The following MAST2 variants were observed in gnomAD, a reference collection of about 807,000 sequenced individuals.
MAST2 encodes the protein microtubule-associated serine/threonine-protein kinase 2.
MAST2 carries 70 observed loss-of-function variants against 147.4 expected under a neutral mutation model. The observed-to-expected ratio is 0.47, with a 90% CI of 0.39 to 0.58. The LOEUF is 0.58. MAST2 is among the 20% of genes least tolerant of loss of function. The probability of loss-of-function intolerance (pLI) is 0.00; values close to 1 mark genes in which losing one functional copy is unlikely to be tolerated. For missense variants in MAST2, 2,080 were observed against 2,302.3 expected (o/e 0.90, Z 1.98); for synonymous variants, 869 against 896.8 (o/e 0.97, Z 0.55).
chr1:46,009,935 C>T (rs954419756), intron 9 of MAST2, among the ~76,000 whole-genome samples: 2 of 152,200 alleles, frequency 1.3e-5, no homozygotes, highest in Non-Finnish European at 2.9e-5. Context: ...AGAACTCGTT[C>T]ACAGATGTGT....
chr1:46,016,196 A>G (rs1352371275), intron 10 of MAST2, among the ~76,000 whole-genome samples: 3 of 111,012 alleles, frequency 2.7e-5, no homozygotes, highest in African/African-American at 9.2e-5. Context: ...AGAGCTATCT[A>G]TGACAAACCC....
chr1:46,022,772 A>G lies in MAST2; in HGVS notation c.1424-138A>G, dbSNP rs1199122799. The G allele has an allele frequency of 5.7e-6, 4 of 696,540 alleles. No individual in the cohort carries two copies. In the African/African-American group the frequency reaches 7.0e-5, roughly 12 times the overall value. 43.1% of individuals were successfully genotyped at this position (696,540 alleles called of 1,614,324 possible). On this transcript the variant is annotated intron_variant, in intron 12 of 28. Transcript: ENST00000361297. ...CTGGGACTACATTGGGTATAGTGCCATGGGACTGAATTCACATCCTAGGCT... is the reference window on the plus strand; with the variant it reads ...CTGGGACTACATTGGGTATAGTGCCGTGGGACTGAATTCACATCCTAGGCT...
chr1:45,908,517 C>T (rs1249512660), intron 4 of MAST2, among the ~76,000 whole-genome samples: 1 of 152,038 alleles, frequency 6.6e-6, no homozygotes, highest in South Asian at 2.1e-4. Flanking sequence ...TTCTAATTTT[C>T]TTTGTCATTT....
In MAST2 at chr1:45,909,241, G is replaced by A. The variant is rs139759315; in HGVS notation, c.500+26846G>A. Among the ~76,000 whole-genome samples, 739 of 152,088 alleles carry A rather than the reference G, an allele frequency of 4.9e-3. 3 individuals are homozygous for A. The highest frequency in any genetic ancestry group is 0.024 in the Middle Eastern group (7 of 294). On this transcript the variant is annotated intron_variant, in intron 4 of 28. Coordinates refer to ENST00000361297, the MANE Select transcript of MAST2 (RefSeq NM_015112.3). ...AACTGAATAATATTTACTTAAAAAA[G>A]TTAGGTATCTTTTTCTCACTTTATT... is the stretch of plus-strand genomic sequence containing the variant.
Position 46,023,663 on chromosome 1 carries a change from C to T in MAST2, c.1572-109C>T. ...TCTCACTGATATGCATGCCCTTGCC[C>T]CCTTGTTCTGTGCATTAATTAAGGT... On this transcript the variant is annotated intron_variant, in intron 14 of 28. Coordinates refer to ENST00000361297, the MANE Select transcript of MAST2 (RefSeq NM_015112.3). The surrounding 1 kb of genome is among the most constrained non-coding windows in gnomAD (Gnocchi z 4.9). 1 of 993,790 alleles carries T rather than the reference C, an allele frequency of 1.0e-6. No individual in the cohort carries two copies. Among genetic ancestry groups the T allele is most frequent in the South Asian group, 1.6e-5 (1 of 64,428 alleles). 61.6% of individuals were successfully genotyped at this position (993,790 alleles called of 1,614,324 possible). A position where few individuals can be genotyped will look rare whatever the true frequency, so the allele number is the denominator to read the frequency against.
intron 4 of MAST2, among the ~76,000 whole-genome samples, chr1:45,950,028 A>G (rs1658700212): frequency 6.6e-6 from 1 of 152,168 alleles, no homozygotes; most frequent in Admixed American, 6.5e-5. Flanking sequence ...TAACTCATGA[A>G]CACAAAGAAG....
At chr1:45,905,878 A>G (rs1224855225) in intron 4 of MAST2, among the ~76,000 whole-genome samples, 2 of 152,120 alleles carry the variant, frequency 1.3e-5, no homozygotes, top group Admixed American at 1.3e-4. Flanking sequence ...ATTGCCACAT[A>G]ATTTTCCAAA....
At chr1:45,852,817 T>TGGCC (rs1553212211) in intron 3 of MAST2, among the ~76,000 whole-genome samples, 1 of 151,530 alleles carries the variant, frequency 6.6e-6, no homozygotes, top group Admixed American at 6.6e-5. Context: ...TTCCATTGTA[T>TGGCC]GGTCACACAT....
intron 3 of MAST2, among the ~76,000 whole-genome samples, chr1:45,842,133 A>C (rs116884585): frequency 6.6e-6 from 1 of 152,032 alleles, no homozygotes; most frequent in African/African-American, 2.4e-5. Context: ...CAAGTGATCC[A>C]CCCGCTTTGG....
At chr1:45,935,737 A>G (rs556871898) in intron 4 of MAST2, among the ~76,000 whole-genome samples, 4 of 152,124 alleles carry the variant, frequency 2.6e-5, no homozygotes, top group African/African-American at 2.4e-5. Context: ...AACCTTTTCT[A>G]TTGGTCTGTT....
At position 46,023,564 on chromosome 1, in the gene MAST2, C is replaced by A; in HGVS notation, c.1572-208C>A. On this transcript the variant is annotated intron_variant, in intron 14 of 28. Transcript: ENST00000361297. This position sits in a 1 kb window ranked among gnomAD's most constrained non-coding sequence, Gnocchi z 4.9. ...CTCCATTCCCTGAGCTCTGGGGAAG[C>A]ATTGAGCCGTGTCATCAGGACATGG... 1.6e-6 allele frequency: 1 copy of A among 622,618 alleles called. No homozygotes were observed. The allele number at this position is 622,618 out of a possible 1,614,324, so 38.6% of individuals were successfully genotyped here.
At chr1:45,848,446 C>CT (rs1376775462) in intron 3 of MAST2, among the ~76,000 whole-genome samples, 4 of 152,216 alleles carry the variant, frequency 2.6e-5, no homozygotes, top group Admixed American at 1.3e-4. Context: ...ACTTTGGACA[C>CT]TGAGTCTTTG....
chr1:45,894,018 C>G (rs879313454), intron 4 of MAST2, among the ~76,000 whole-genome samples: 1 of 151,850 alleles, frequency 6.6e-6, no homozygotes, highest in Non-Finnish European at 1.5e-5. Context: ...AGTTTGAGAC[C>G]AGCCTAGGCA....
At chr1:45,933,809 C>A (rs928263190) in intron 4 of MAST2, among the ~76,000 whole-genome samples, 1 of 151,742 alleles carries the variant, frequency 6.6e-6, no homozygotes, top group Non-Finnish European at 1.5e-5. Flanking sequence ...GATATATTTA[C>A]TTATTTTTTT....
chr1:46,030,552 A>C, intron 21 of MAST2, 55 bp from the exon 22 acceptor site: 1 of 1,544,438 alleles, frequency 6.5e-7, no homozygotes, highest in Non-Finnish European at 8.7e-7. Flanking sequence ...GCTTTATGCC[A>C]CTTGGGAGGT....
At chr1:45,845,916 A>C (rs1374541663) in intron 3 of MAST2, among the ~76,000 whole-genome samples, 1 of 152,060 alleles carries the variant, frequency 6.6e-6, no homozygotes. Context: ...GCCCACCACC[A>C]TGCCCGGCTA....
intron 1 of MAST2, among the ~76,000 whole-genome samples, chr1:45,811,659 A>T (rs1203494274): frequency 8.0e-6 from 1 of 125,028 alleles, no homozygotes; most frequent in African/African-American, 3.1e-5. Context: ...TTTGACACAG[A>T]GTCTCACTTT....
chr1:45,958,021 C>T (rs1196874089), intron 4 of MAST2, among the ~76,000 whole-genome samples: 1 of 152,144 alleles, frequency 6.6e-6, no homozygotes. Context: ...TGATGACATA[C>T]TGAGTTCAAG....
intron 4 of MAST2, among the ~76,000 whole-genome samples, chr1:45,930,646 A>G (rs950706960): frequency 6.6e-6 from 1 of 152,172 alleles, no homozygotes; most frequent in Admixed American, 6.6e-5. Context: ...AGTCATTCCC[A>G]GAACTTTTCA....
Sources: allele counts gnomAD v4.1 joint callset (sites outside exome capture counted in the v4.1 genomes callset), GRCh38; gene constraint gnomAD v4.1.1; non-coding constraint Gnocchi (gnomAD v3.1); transcripts MANE v1.5; gene names NCBI Gene and HGNC (gene_info 2026-07-23, HGNC 2026-07-21).